PCDHA11: variants seen among roughly 807,000 people sequenced by gnomAD.
PCDHA11 encodes protocadherin alpha-11.
A neutral mutation model predicts 70.3 loss-of-function variants in PCDHA11; 61 were observed. The observed-to-expected ratio is 0.87, with a 90% CI of 0.71 to 1.07. The LOEUF (loss-of-function observed/expected upper bound fraction) is 1.07. PCDHA11 is among the 50% of genes least tolerant of loss of function. The pLI, the probability that PCDHA11 is intolerant of heterozygous loss-of-function variation, is 0.00. For synonymous variants in PCDHA11, 633 were observed against 555.1 expected, an observed-to-expected ratio of 1.14 and a Z score of -1.97; for missense variants, 1,324 against 1,237.5, an observed-to-expected ratio of 1.07 and a Z score of -1.05.
At chr5:140,972,091 C>G (rs1169233514) in intron 1 of PCDHA11, among the ~76,000 whole-genome samples, 3 of 152,164 alleles carry the variant, frequency 2.0e-5, no homozygotes, top group African/African-American at 4.8e-5. Context: ...AGAGTAATTT[C>G]TGGCATAGAA....
intron 1 of PCDHA11, chr5:140,884,024 G>T: frequency 1.2e-6 from 2 of 1,613,318 alleles, no homozygotes; most frequent in South Asian, 2.2e-5. Flanking sequence ...GCGGTCGGTG[G>T]GTGCAGGCCA....
chr5:140,989,842 G>A (rs1411244835), intron 3 of PCDHA11, among the ~76,000 whole-genome samples: 1 of 152,178 alleles, frequency 6.6e-6, no homozygotes, highest in Non-Finnish European at 1.5e-5. Context: ...GTCAATGAGT[G>A]TGTGGACTGG....
At chr5:140,873,007 C>G (rs1363151505) in intron 1 of PCDHA11, among the ~76,000 whole-genome samples, 2 of 152,088 alleles carry the variant, frequency 1.3e-5, no homozygotes, top group East Asian at 3.8e-4. Context: ...AGTCATTCTT[C>G]ATATTTAGTT....
rs1306564737 is a variant in PCDHA11 at position 140,869,481 on chromosome 5, TAACG to T, written c.380_383del (p.Asn127ThrfsTer14). On this transcript the variant is annotated frameshift_variant, in exon 1 of 4. Transcript: ENST00000398640. LOFTEE classifies it high-confidence loss of function. The stretch of plus-strand genomic sequence containing the variant: ...ATGTGAACGTGGAGGTGAAGGACAT[TAACG>T]ACAACCCGCCGGTGTTCTCGCTCAG... 1 of 1,613,970 alleles carries T rather than the reference TAACG, an allele frequency of 6.2e-7. No individual in the cohort carries two copies. The highest frequency in any genetic ancestry group is 1.3e-5 in the African/African-American group (1 of 74,892).
At chr5:140,909,428 G>A (rs2074488610) in intron 1 of PCDHA11, among the ~76,000 whole-genome samples, 1 of 152,150 alleles carries the variant, frequency 6.6e-6, no homozygotes, top group African/African-American at 2.4e-5. Context: ...TTAAACTTAT[G>A]ATAATCCACT....
Position 140,870,529 on chromosome 5 carries a change from G to C in PCDHA11, c.1426G>C (p.Val476Leu). Residue 476 changes from valine to leucine, a missense_variant, in exon 1 of 4, where the codon GTG becomes CTG. By Grantham distance (32) the Val-to-Leu change is conservative (BLOSUM62 1). Transcript: ENST00000398640. ...NNPPGCHIFT[V>L]SARDADAQEN... ...CCCACCAGGCTGCCACATCTTCACAGTGTCGGCGCGGGACGCGGACGCGCA... is the reference window on the plus strand; with the variant it reads ...CCCACCAGGCTGCCACATCTTCACACTGTCGGCGCGGGACGCGGACGCGCA... 6.2e-7 allele frequency: 1 copy of C among 1,614,214 alleles called. No homozygotes were observed.
intron 1 of PCDHA11, among the ~76,000 whole-genome samples, chr5:140,957,130 A>G (rs1554222831): frequency 6.6e-6 from 1 of 152,188 alleles, no homozygotes; most frequent in East Asian, 1.9e-4. Context: ...TCTTTACTAC[A>G]CTATGAACTA....
At chr5:140,978,222 G>A (rs997273847) in intron 1 of PCDHA11, among the ~76,000 whole-genome samples, 7 of 152,298 alleles carry the variant, frequency 4.6e-5, no homozygotes, top group East Asian at 1.9e-4. Context: ...AATGTATCAG[G>A]TTTTTCTTGG....
intron 1 of PCDHA11, among the ~76,000 whole-genome samples, chr5:140,932,302 G>A (rs565143074): frequency 6.6e-6 from 1 of 151,800 alleles, no homozygotes; most frequent in African/African-American, 2.4e-5. Context: ...AATTTTTAAA[G>A]GTATAAATAT....
chr5:141,010,923 A>T lies in PCDHA11; in HGVS notation c.*986A>T, dbSNP rs184389417. The T allele has an allele frequency of 4.0e-3, 619 of 153,912 alleles. 3 individuals are homozygous for T. Among genetic ancestry groups the T allele is most frequent in the Admixed American group, 6.2e-3 (95 of 15,302 alleles). The allele number at this position is 153,912 out of a possible 1,614,324, so 9.5% of individuals were successfully genotyped here. A position where few individuals can be genotyped will look rare whatever the true frequency, so the allele number is the denominator to read the frequency against. ...TCCCCTAAACTCTCCTCAAAAGAGA[A>T]TTCAGTCTACAGCCATTTAAATGAT... On this transcript the variant is annotated 3_prime_UTR_variant, in exon 4 of 4. Coordinates refer to ENST00000398640, the MANE Select transcript of PCDHA11 (RefSeq NM_018902.5).
intron 3 of PCDHA11, among the ~76,000 whole-genome samples, chr5:140,985,189 G>A (rs1440212716): frequency 3.3e-5 from 5 of 152,004 alleles, no homozygotes; most frequent in African/African-American, 9.7e-5. Context: ...CGCCTGCCTC[G>A]GTCTCCCAAA....
intron 1 of PCDHA11, among the ~76,000 whole-genome samples, chr5:140,974,516 T>G (rs533322332): frequency 2.0e-5 from 3 of 152,328 alleles, no homozygotes; most frequent in African/African-American, 7.2e-5. Context: ...TTTTATTTTA[T>G]TTTAGTTTTT....
At chr5:140,966,955 C>T in intron 1 of PCDHA11, 1 of 1,602,734 alleles carries the variant, frequency 6.2e-7, no homozygotes, top group East Asian at 2.2e-5. Context: ...ACGTGGCTCG[C>T]GCGCTGGGGC....
chr5:140,943,090 C>G (rs554425182), intron 1 of PCDHA11, among the ~76,000 whole-genome samples: 3 of 151,542 alleles, frequency 2.0e-5, no homozygotes, highest in African/African-American at 7.3e-5. Context: ...AATCCTGCCT[C>G]TACTAAAAAA....
chr5:140,990,332 T>C (rs1458187543), intron 3 of PCDHA11, among the ~76,000 whole-genome samples: 1 of 152,100 alleles, frequency 6.6e-6, no homozygotes, highest in Non-Finnish European at 1.5e-5. Flanking sequence ...ACTTTAAAAA[T>C]AAGTAAAGCC....
chr5:140,934,511 T>G (rs999288213), intron 1 of PCDHA11, among the ~76,000 whole-genome samples: 1 of 152,210 alleles, frequency 6.6e-6, no homozygotes. Context: ...AAAGGGTCCA[T>G]AGACCACACT....
intron 1 of PCDHA11, among the ~76,000 whole-genome samples, chr5:140,934,320 T>C (rs910163789): frequency 6.6e-6 from 1 of 152,154 alleles, no homozygotes; most frequent in Non-Finnish European, 1.5e-5. Flanking sequence ...AAATGTCCAA[T>C]CATGAATGTA....
At chr5:140,877,438 G>A (rs1554169741) in intron 1 of PCDHA11, 1 of 1,613,892 alleles carries the variant, frequency 6.2e-7, no homozygotes, top group South Asian at 1.1e-5. Context: ...GGACCACGGT[G>A]AGCCCGCGCT....
At chr5:140,929,294 G>A in intron 1 of PCDHA11, 1 of 1,594,058 alleles carries the variant, frequency 6.3e-7, no homozygotes, top group Non-Finnish European at 8.6e-7. Flanking sequence ...ATTCGGAATA[G>A]GAAAGGGGAT....
Sources: allele counts gnomAD v4.1 joint callset (sites outside exome capture counted in the v4.1 genomes callset), GRCh38; gene constraint gnomAD v4.1.1; transcripts MANE v1.5; gene names NCBI Gene and HGNC (gene_info 2026-07-23, HGNC 2026-07-21).